The following CLMN variants were observed in gnomAD, a reference collection of about 807,000 sequenced individuals.
CLMN encodes calmin (calponin-like, transmembrane).
A neutral mutation model predicts 92.7 loss-of-function variants in CLMN; 57 were observed. The observed-to-expected ratio is 0.61, with a 90% CI of 0.50 to 0.77. The LOEUF (loss-of-function observed/expected upper bound fraction) is 0.77. Among genes scored for constraint, CLMN ranks in the 30% least tolerant of loss-of-function variants. The probability of loss-of-function intolerance (pLI) is 0.00; values close to 1 mark genes in which losing one functional copy is unlikely to be tolerated. For missense variants in CLMN, 1,158 were observed against 1,237.5 expected (o/e 0.94, Z 0.96); for synonymous variants, 466 against 470.6 (o/e 0.99, Z 0.13).
chr14:95,203,933 C>G lies in CLMN; in HGVS notation c.1416G>C (p.Lys472Asn). Residue 472 changes from lysine (K) to asparagine (N), a missense_variant, in exon 9 of 13, where the codon AAG (lysine) becomes AAC (asparagine). Coordinates refer to ENST00000298912, the MANE Select transcript of CLMN (RefSeq NM_024734.4). ...TCTTCGAGGATTCCTGTTTCTGTTC[C>G]TTTTCCTCAGCAACCTCAACTGCCA... ...HVLAVEVAEE[K>N]EQKQESSKIP... 6.2e-7 allele frequency: 1 copy of G among 1,614,172 alleles called. No homozygotes were observed. Among genetic ancestry groups the G allele is most frequent in the Non-Finnish European group, 8.5e-7 (1 of 1,180,034 alleles).
At chr14:95,265,617 A>T (rs1899442312) in intron 1 of CLMN, among the ~76,000 whole-genome samples, 1 of 152,224 alleles carries the variant, frequency 6.6e-6, no homozygotes, top group Non-Finnish European at 1.5e-5. Flanking sequence ...TGTGAATCAG[A>T]CCATCTGTGA....
At chr14:95,211,908 G>C (rs1897210091) in intron 6 of CLMN, among the ~76,000 whole-genome samples, 1 of 152,132 alleles carries the variant, frequency 6.6e-6, no homozygotes, top group African/African-American at 2.4e-5. Context: ...GTGGTGTACA[G>C]ATTAATGTAA....
chr14:95,292,022 G>A (rs1046379062), intron 1 of CLMN, among the ~76,000 whole-genome samples: 3 of 152,236 alleles, frequency 2.0e-5, no homozygotes. Context: ...AAGGGTTGAC[G>A]TGTTCCCACG....
At chr14:95,262,953 C>A (rs563507089) in intron 1 of CLMN, among the ~76,000 whole-genome samples, 1 of 152,266 alleles carries the variant, frequency 6.6e-6, no homozygotes, top group East Asian at 1.9e-4. Flanking sequence ...GAGGTAGGAG[C>A]AAAACTAGGC....
chr14:95,212,237 T>C (rs573617076), intron 6 of CLMN, among the ~76,000 whole-genome samples: 1 of 152,342 alleles, frequency 6.6e-6, no homozygotes, highest in Non-Finnish European at 1.5e-5. Context: ...TAATTTCACC[T>C]AATTGTCCTG....
rs1482794299 is a variant in CLMN at position 95,185,538 on chromosome 14, T to C, written c.*6026A>G. On this transcript the variant is annotated 3_prime_UTR_variant, in exon 13 of 13. Coordinates refer to ENST00000298912, the MANE Select transcript of CLMN (RefSeq NM_024734.4). The stretch of plus-strand genomic sequence containing the variant: ...AGCTGCTGGCCCAAGACGTTAAATC[T>C]TCCCCAAATGCTGTGTCAGCAGTGA... 1 of 152,300 alleles carries C rather than the reference T, an allele frequency of 6.6e-6. No individual in the cohort carries two copies. The highest frequency in any genetic ancestry group is 1.5e-5 in the Non-Finnish European group (1 of 68,158). 9.4% of individuals were successfully genotyped at this position (152,300 alleles called of 1,614,324 possible). A position where few individuals can be genotyped will look rare whatever the true frequency, so the allele number is the denominator to read the frequency against.
rs1489413395 is a variant in CLMN at position 95,182,251 on chromosome 14, G to T, written c.*9313C>A. The T allele has an allele frequency of 6.6e-6, 1 of 152,002 alleles. No individual in the cohort carries two copies. The highest frequency in any genetic ancestry group is 1.5e-5 in the Non-Finnish European group (1 of 68,022). The allele number at this position is 152,002 out of a possible 1,614,324, so 9.4% of individuals were successfully genotyped here. On this transcript the variant is annotated 3_prime_UTR_variant, in exon 13 of 13. Coordinates refer to ENST00000298912, the MANE Select transcript of CLMN (RefSeq NM_024734.4). ...AAATAACATTTCATTTTCCTCAATA[G>T]TTTTCTTAGAGCTCTCAGTAAAAAC...
intron 8 of CLMN, among the ~76,000 whole-genome samples, chr14:95,204,893 A>G (rs1897004710): frequency 6.6e-6 from 1 of 152,158 alleles, no homozygotes; most frequent in African/African-American, 2.4e-5. Context: ...GATCAGCCAA[A>G]TCTTTATTGA....
intron 2 of CLMN, among the ~76,000 whole-genome samples, chr14:95,224,876 G>T (rs1897663423): frequency 6.6e-6 from 1 of 152,172 alleles, no homozygotes; most frequent in Non-Finnish European, 1.5e-5. Flanking sequence ...GTCTGGAGGT[G>T]GTGGGACCCT....
In CLMN at chr14:95,203,229, C is replaced by A. The variant is rs140199156; in HGVS notation, c.2120G>T (p.Gly707Val). ...GGGTGGGGAGGGCTTGAAATCCAGG[C>A]CTTCTTCGCTGTGACTCCCAAGGGT... The part of the protein sequence containing the change: ...LETLGSHSEE[G>V]LDFKPSPPLS... The change falls in exon 9 of 13, where the codon GGC becomes GTC. Residue 707 changes from glycine (G) to valine (V), a missense_variant. Physicochemically the swap from Gly to Val is moderately radical, Grantham distance 109. Coordinates refer to ENST00000298912, the MANE Select transcript of CLMN (RefSeq NM_024734.4). 4.3e-5 allele frequency: 69 copies of A among 1,613,850 alleles called. No homozygotes were observed. The African/African-American group carries it at 7.6e-4, about 18-fold the overall frequency.
At chr14:95,270,111 G>C (rs967329009) in intron 1 of CLMN, among the ~76,000 whole-genome samples, 2 of 152,144 alleles carry the variant, frequency 1.3e-5, no homozygotes, top group Admixed American at 1.3e-4. Context: ...GCCAGGACTC[G>C]GGCACTTAGC....
chr14:95,241,835 G>GTGTGCGTGTGTGTTC (rs1898253140), intron 1 of CLMN, among the ~76,000 whole-genome samples: 1 of 152,032 alleles, frequency 6.6e-6, no homozygotes, highest in Non-Finnish European at 1.5e-5. Flanking sequence ...ACGCCTGTGT[G>GTGTGCGTGTGTGTTC]TGTGCGTGTG....
At chr14:95,267,208 G>A (rs1899506130) in intron 1 of CLMN, among the ~76,000 whole-genome samples, 1 of 152,114 alleles carries the variant, frequency 6.6e-6, no homozygotes, top group Non-Finnish European at 1.5e-5. Flanking sequence ...CTTCTTCACA[G>A]CAAAGGAAAC....
chr14:95,227,387 C>A (rs142217001), intron 2 of CLMN, among the ~76,000 whole-genome samples: 1 of 152,140 alleles, frequency 6.6e-6, no homozygotes, highest in African/African-American at 2.4e-5. Context: ...TGCAAACTGC[C>A]GCAGCTCCTT....
chr14:95,215,450 G>A (rs146914488), intron 5 of CLMN, among the ~76,000 whole-genome samples, 191 bp downstream of exon 5: 265 of 152,236 alleles, frequency 1.7e-3, no homozygotes, highest in African/African-American at 5.9e-3. Context: ...AACTTGCACC[G>A]CTTTTAAAAT....
chr14:95,202,551 A>T (rs1896913450), intron 9 of CLMN, among the ~76,000 whole-genome samples: 1 of 152,144 alleles, frequency 6.6e-6, no homozygotes. Context: ...CTGGACCCTC[A>T]AAGGTGACCT....
At chr14:95,270,316 C>T (rs77903345) in intron 1 of CLMN, among the ~76,000 whole-genome samples, 1 of 152,306 alleles carries the variant, frequency 6.6e-6, no homozygotes, top group East Asian at 1.9e-4. Flanking sequence ...ATATAATACA[C>T]CTATTTAAAG....
intron 1 of CLMN, among the ~76,000 whole-genome samples, chr14:95,271,625 T>C (rs776969129): frequency 2.6e-5 from 4 of 152,224 alleles, no homozygotes; most frequent in Non-Finnish European, 5.9e-5. Context: ...GAGTAGTATG[T>C]AGGGTATAAG....
intron 1 of CLMN, among the ~76,000 whole-genome samples, chr14:95,298,826 A>G (rs911361595): frequency 6.6e-6 from 1 of 152,188 alleles, no homozygotes; most frequent in Non-Finnish European, 1.5e-5. Context: ...AGAGGAAGAA[A>G]GGGAGTTTAG....
Sources: allele counts gnomAD v4.1 joint callset (sites outside exome capture counted in the v4.1 genomes callset), GRCh38; gene constraint gnomAD v4.1.1; transcripts MANE v1.5; gene names NCBI Gene and HGNC (gene_info 2026-07-23, HGNC 2026-07-21).